The following NPR2 variants were observed in gnomAD, a reference collection of about 807,000 sequenced individuals.
NPR2 encodes the protein atrial natriuretic peptide receptor 2.
In NPR2, 49 loss-of-function variants were observed where a neutral mutation model predicts 120.7. The ratio of observed to expected loss-of-function variants is 0.41; its 90% confidence interval spans 0.32 to 0.52. NPR2 has a LOEUF of 0.52. Among genes scored for constraint, NPR2 ranks in the 20% least tolerant of loss-of-function variants. The pLI, the probability that NPR2 is intolerant of heterozygous loss-of-function variation, is 0.36. For missense variants in NPR2, 931 were observed against 1,362.9 expected, an observed-to-expected ratio of 0.68 and a Z score of 4.99; for synonymous variants, 484 against 519.8, an observed-to-expected ratio of 0.93 and a Z score of 0.94.
At position 35,805,772 on chromosome 9, in the gene NPR2, G is replaced by C; in HGVS notation, c.2048-58G>C. 1 of 1,607,580 alleles carries C rather than the reference G, an allele frequency of 6.2e-7. No homozygotes were observed. The highest frequency in any genetic ancestry group is 8.5e-7 in the Non-Finnish European group (1 of 1,174,710). On this transcript the variant is annotated intron_variant, in intron 13 of 21. Transcript: ENST00000342694. This position sits in a 1 kb window ranked among gnomAD's most constrained non-coding sequence, Gnocchi z 4.9. The stretch of plus-strand genomic sequence containing the variant: ...TGACAGTAATATAGGGATGAGCCCA[G>C]GTGGGCTTGGGGGTGCCCCATTTCG...
chr9:35,796,490 T>A (rs1827948475), intron 2 of NPR2, among the ~76,000 whole-genome samples: 1 of 152,190 alleles, frequency 6.6e-6, no homozygotes, highest in South Asian at 2.1e-4. Flanking sequence ...TTGCTGGCTG[T>A]ATTCTATTTG....
chr9:35,807,902 T>C (rs1828493772), intron 18 of NPR2: 3 of 468,354 alleles, frequency 6.4e-6, no homozygotes, highest in Non-Finnish European at 1.1e-5. Flanking sequence ...TGAGCCTCAG[T>C]TGTTTTATCT....
intron 3 of NPR2, 128 bp from the exon 4 acceptor site, chr9:35,799,894 A>G: frequency 6.8e-7 from 1 of 1,468,550 alleles, no homozygotes; most frequent in Non-Finnish European, 9.5e-7. Context: ...TTAGGAAGGG[A>G]TGGCACTTTA....
intron 1 of NPR2, 73 bp downstream of exon 1, chr9:35,793,148 A>G: frequency 7.0e-7 from 1 of 1,427,208 alleles, no homozygotes; most frequent in Non-Finnish European, 9.4e-7. Context: ...GCACTGGGGA[A>G]CTGTAGATGG....
Position 35,809,150 on chromosome 9 carries a change from C to T in NPR2, c.2987-6C>T, listed in dbSNP as rs1398780360. On this transcript the variant is annotated splice_polypyrimidine_tract_variant and splice_region_variant and intron_variant, in intron 20 of 21. Coordinates refer to ENST00000342694, the MANE Select transcript of NPR2 (RefSeq NM_003995.4). This position sits in a 1 kb window ranked among gnomAD's most constrained non-coding sequence, Gnocchi z 4.1. ...TCCACCATCCTCCCCATTCCACCCA[C>T]CCCAGCGCTGAAGATCCATGTCTCC... 6.2e-7 allele frequency: 1 copy of T among 1,612,806 alleles called. No individual in the cohort carries two copies. The highest frequency in any genetic ancestry group is 8.5e-7 in the Non-Finnish European group (1 of 1,178,884).
In NPR2 at chr9:35,802,492, T is replaced by A; in HGVS notation, c.1711-11T>A. ...AATTTTCTTATCCTTCCCATTGTTT[T>A]TTTCTGCCAGATGAGAGATGTTCAG... On this transcript the variant is annotated splice_polypyrimidine_tract_variant and intron_variant, in intron 10 of 21. Coordinates refer to ENST00000342694, the MANE Select transcript of NPR2 (RefSeq NM_003995.4). This position sits in a 1 kb window ranked among gnomAD's most constrained non-coding sequence, Gnocchi z 4.2. 2 of 1,533,486 alleles carry A rather than the reference T, an allele frequency of 1.3e-6. No individual in the cohort carries two copies. The highest frequency in any genetic ancestry group is 1.8e-6 in the Non-Finnish European group (2 of 1,106,570). The allele number at this position is 1,533,486 out of a possible 1,614,324, so 95.0% of individuals were successfully genotyped here.
intron 2 of NPR2, 30 bp downstream of exon 2, chr9:35,794,133 G>C (rs1275035704): frequency 3.1e-6 from 5 of 1,598,654 alleles, no homozygotes; most frequent in African/African-American, 1.3e-5. Flanking sequence ...TGAAGGAGGA[G>C]GGGGAAGAGG....
chr9:35,793,047 C>T lies in NPR2; in HGVS notation c.639C>T (p.Ala213=), dbSNP rs1588050853. 6.2e-7 allele frequency: 1 copy of T among 1,603,890 alleles called. No homozygotes were observed. Among genetic ancestry groups the T allele is most frequent in the South Asian group, 1.1e-5 (1 of 90,788 alleles). ...GAGAGCCAGGGGGCCCCGAGCAGGC[C>T]ACCCACTTCATCCGGGCCAACGGGC... ...YAREPGGPEQ[A]THFIRANGRI... The change falls in exon 1 of 22, where the codon GCC becomes GCT. Residue 213 remains alanine, a synonymous_variant. Transcript: ENST00000342694.
Position 35,801,683 on chromosome 9 carries a change from C to G in NPR2, c.1477C>G (p.Arg493Gly). The G allele has an allele frequency of 6.2e-7, 1 of 1,613,994 alleles. No individual in the cohort carries two copies. The change falls in exon 8 of 22, where the codon CGT becomes GGT. Residue 493 changes from arginine to glycine, a missense_variant. By Grantham distance (125) the Arg-to-Gly change is moderately radical. Around this residue, in one of 3 missense-constraint regions of NPR2, gnomAD observed 681 missense variants for 974.3 expected, o/e 0.70. Transcript: ENST00000342694. ...GAAGGAGCTGGCTAGCATGTTGTGG[C>G]GTATTCGCTGGGAAGAACTGCAGTT... Reference protein sequence around the residue: ...LEKELASMLWRIRWEELQFGN... With the variant: ...LEKELASMLWGIRWEELQFGN...
At chr9:35,797,982 TG>T (rs2132074446) in intron 2 of NPR2, among the ~76,000 whole-genome samples, 1 of 152,324 alleles carries the variant, frequency 6.6e-6, no homozygotes, top group Admixed American at 6.5e-5. Context: ...TGTGTGTTCT[TG>T]CGTTTTCAAA....
Position 35,808,201 on chromosome 9 carries a change from G to A in NPR2, c.2713-308G>A, listed in dbSNP as rs139817174. The A allele has an allele frequency of 9.2e-5, 148 of 1,614,038 alleles. No individual in the cohort carries two copies. The African/African-American group carries it at 1.2e-3, about 14-fold the overall frequency. ...CCAGCCTCTGTCCTCTTGAGTTACCGTTTTCTTGCTTCCCATTTCCTGATG... is the reference window on the plus strand; with the variant it reads ...CCAGCCTCTGTCCTCTTGAGTTACCATTTTCTTGCTTCCCATTTCCTGATG... On this transcript the variant is annotated intron_variant, in intron 18 of 21. Coordinates refer to ENST00000342694, the MANE Select transcript of NPR2 (RefSeq NM_003995.4). This position sits in a 1 kb window ranked among gnomAD's most constrained non-coding sequence, Gnocchi z 4.0.
At chr9:35,799,572 C>A (rs768442749) in intron 2 of NPR2, 46 bp from the exon 3 acceptor site, 3 of 1,325,488 alleles carry the variant, frequency 2.3e-6, no homozygotes, top group Admixed American at 3.4e-5. Flanking sequence ...TCCCATAATG[C>A]CTATCTTGAA....
chr9:35,802,814 C>G lies in NPR2; in HGVS notation c.1887+11C>G, dbSNP rs761623564. ...AATGACCTTGTTAAGGTGAGTCTTCCCCACTCCTTAAAAGTTCATCCACTT... is the reference window on the plus strand; with the variant it reads ...AATGACCTTGTTAAGGTGAGTCTTCGCCACTCCTTAAAAGTTCATCCACTT... On this transcript the variant is annotated intron_variant, in intron 12 of 21. Transcript: ENST00000342694. The surrounding 1 kb of genome is among the most constrained non-coding windows in gnomAD (Gnocchi z 4.2). 5 of 1,568,700 alleles carry G rather than the reference C, an allele frequency of 3.2e-6. No individual in the cohort carries two copies. The highest frequency in any genetic ancestry group is 4.4e-6 in the Non-Finnish European group (5 of 1,139,060).
rs1085307906 is a variant in NPR2, at chr9:35,800,397, G to A, written c.1132G>A (p.Gly378Arg). ...ACTCTTTTCTGTCTTAGGTGTAACT[G>A]GGCTGGTTGTCATGGACAAGAACAA... The part of the protein sequence containing the change: ...MQGRRYHGVT[G>R]LVVMDKNNDR... The change falls in exon 5 of 22, where the codon GGG (glycine) becomes AGG (arginine). Residue 378 changes from glycine (G) to arginine (R), a missense_variant. Physicochemically the swap from Gly to Arg is moderately radical, Grantham distance 125. Around this residue, in one of 3 missense-constraint regions of NPR2, gnomAD observed 681 missense variants for 974.3 expected, o/e 0.70. Coordinates refer to ENST00000342694, the MANE Select transcript of NPR2 (RefSeq NM_003995.4). This position sits in a 1 kb window ranked among gnomAD's most constrained non-coding sequence, Gnocchi z 4.7. 1 of 1,613,870 alleles carries A rather than the reference G, an allele frequency of 6.2e-7. No homozygotes were observed. Among genetic ancestry groups the A allele is most frequent in the Non-Finnish European group, 8.5e-7 (1 of 1,179,772 alleles).
At chr9:35,801,225 G>C (rs1253255417) in intron 7 of NPR2, 71 bp downstream of exon 7, 1 of 1,188,666 alleles carries the variant, frequency 8.4e-7, no homozygotes, top group Non-Finnish European at 1.3e-6. Flanking sequence ...GAAGCCAGGT[G>C]GTCCCTATAA....
At chr9:35,797,570 T>A (rs950025531) in intron 2 of NPR2, among the ~76,000 whole-genome samples, 3 of 152,140 alleles carry the variant, frequency 2.0e-5, no homozygotes, top group Non-Finnish European at 4.4e-5. Flanking sequence ...AGGGTGCACA[T>A]TTCCTAGGTG....
At position 35,793,021 on chromosome 9, in the gene NPR2, C is replaced by T. The variant is rs1180840764; in HGVS notation, c.613C>T (p.Arg205Ter). 2 of 1,609,274 alleles carry T rather than the reference C, an allele frequency of 1.2e-6. No individual in the cohort carries two copies. Among genetic ancestry groups the T allele is most frequent in the Non-Finnish European group, 1.7e-6 (2 of 1,177,388 alleles). ...NLSVQHQVYA[R>*]EPGGPEQATH... ...CAGTGTGCAGCACCAGGTGTATGCC[C>T]GAGAGCCAGGGGGCCCCGAGCAGGC... The change falls in exon 1 of 22, where the codon CGA becomes TGA. Residue 205 changes from arginine (R) to a stop codon, truncating the protein, a stop_gained. Coordinates refer to ENST00000342694, the MANE Select transcript of NPR2 (RefSeq NM_003995.4). LOFTEE classifies it high-confidence loss of function.
chr9:35,798,091 AGCG>A (rs2132074684), intron 2 of NPR2, among the ~76,000 whole-genome samples: 1 of 152,354 alleles, frequency 6.6e-6, no homozygotes, highest in South Asian at 2.1e-4. Flanking sequence ...AAGAGTATAA[AGCG>A]ATTGTGAGAC....
intron 1 of NPR2, 133 bp downstream of exon 1, chr9:35,793,208 G>A (rs924188004): frequency 7.2e-6 from 7 of 974,620 alleles, no homozygotes; most frequent in African/African-American, 6.6e-5. Context: ...AGAAGCACAC[G>A]TGGACAGAGC....
Sources: allele counts gnomAD v4.1 joint callset (sites outside exome capture counted in the v4.1 genomes callset), GRCh38; gene constraint gnomAD v4.1.1; regional missense constraint gnomAD v4.1.1; non-coding constraint Gnocchi (gnomAD v3.1); transcripts MANE v1.5; gene names NCBI Gene and HGNC (gene_info 2026-07-23, HGNC 2026-07-21).